Variants in ST6GALNAC5 observed in about 807,000 individuals in gnomAD.
The protein encoded by ST6GALNAC5 is ST6 N-acetylgalactosaminide alpha-2,6-sialyltransferase 5.
ST6GALNAC5 carries 27 observed loss-of-function variants against 33.6 expected under a neutral mutation model. The ratio of observed to expected loss-of-function variants is 0.80; its 90% confidence interval spans 0.59 to 1.11. The LOEUF (loss-of-function observed/expected upper bound fraction) is 1.11, where lower values mean the gene tolerates loss of function less well. ST6GALNAC5 is among the 50% of genes least tolerant of loss of function. The probability of loss-of-function intolerance (pLI) is 0.00; values close to 1 mark genes in which losing one functional copy is unlikely to be tolerated. For missense variants in ST6GALNAC5, 428 were observed against 454.0 expected (o/e 0.94, Z 0.52); for synonymous variants, 194 against 171.2 (o/e 1.13, Z -1.04).
At chr1:77,001,562 T>C (rs1459679428) in intron 2 of ST6GALNAC5, among the ~76,000 whole-genome samples, 1 of 150,686 alleles carries the variant, frequency 6.6e-6, no homozygotes, top group East Asian at 2.0e-4. Flanking sequence ...GGCATCCCTG[T>C]CTTGTGCCAG....
At chr1:76,877,355 C>G (rs1207358606) in intron 2 of ST6GALNAC5, among the ~76,000 whole-genome samples, 1 of 151,668 alleles carries the variant, frequency 6.6e-6, no homozygotes, top group Non-Finnish European at 1.5e-5. Flanking sequence ...GAGCCTGTTG[C>G]AGAGCCTTCT....
intron 2 of ST6GALNAC5, among the ~76,000 whole-genome samples, chr1:77,032,964 G>T (rs1651514273): frequency 6.6e-6 from 1 of 152,154 alleles, no homozygotes; most frequent in South Asian, 2.1e-4. Flanking sequence ...GGCTTGTCGG[G>T]CCACATTAAA....
chr1:77,035,822 T>C (rs566550408), intron 2 of ST6GALNAC5, among the ~76,000 whole-genome samples: 1 of 152,318 alleles, frequency 6.6e-6, no homozygotes, highest in East Asian at 1.9e-4. Context: ...TAAAATGGTG[T>C]AGCCACTTTG....
intron 2 of ST6GALNAC5, among the ~76,000 whole-genome samples, chr1:77,015,694 G>T (rs570617912): frequency 2.6e-5 from 4 of 152,056 alleles, no homozygotes; most frequent in Non-Finnish European, 4.4e-5. Flanking sequence ...CAATTTTGGG[G>T]TGGCAGAGGG....
intron 2 of ST6GALNAC5, among the ~76,000 whole-genome samples, chr1:76,999,329 G>C (rs1230800519): frequency 6.6e-6 from 1 of 152,260 alleles, no homozygotes; most frequent in East Asian, 1.9e-4. Flanking sequence ...AGAGGCAAGA[G>C]ACTTACTTTA....
chr1:77,008,266 C>T (rs1011030016), intron 2 of ST6GALNAC5, among the ~76,000 whole-genome samples: 1 of 152,092 alleles, frequency 6.6e-6, no homozygotes, highest in African/African-American at 2.4e-5. Flanking sequence ...TCAGGGTAAG[C>T]AGGTATTTCA....
intron 2 of ST6GALNAC5, among the ~76,000 whole-genome samples, chr1:77,008,216 A>C (rs1052482696): frequency 5.9e-5 from 9 of 152,220 alleles, no homozygotes; most frequent in Non-Finnish European, 1.0e-4. Flanking sequence ...AACTCACTTC[A>C]TGCACAAGAG....
chr1:77,059,324 G>A (rs1482907197), intron 4 of ST6GALNAC5, among the ~76,000 whole-genome samples: 3 of 152,154 alleles, frequency 2.0e-5, no homozygotes, highest in Non-Finnish European at 2.9e-5. Flanking sequence ...TTTATCAGGT[G>A]TCCTCAGTCT....
chr1:76,936,953 G>GGT (rs34309736), intron 2 of ST6GALNAC5, among the ~76,000 whole-genome samples: 10,971 of 139,900 alleles, frequency 0.078, 566 homozygotes, highest in Admixed American at 0.18. Flanking sequence ...AGAGAAGCAG[G>GGT]GTGTGTGTGT....
chr1:77,055,784 C>T (rs1652377040), intron 4 of ST6GALNAC5, among the ~76,000 whole-genome samples: 1 of 152,170 alleles, frequency 6.6e-6, no homozygotes, highest in Non-Finnish European at 1.5e-5. Flanking sequence ...TGACTCTAGG[C>T]TCCTTAAGAG....
intron 2 of ST6GALNAC5, among the ~76,000 whole-genome samples, chr1:77,023,015 T>G (rs73003401): frequency 0.061 from 9,272 of 152,208 alleles, 340 homozygotes; most frequent in Middle Eastern, 0.11. Context: ...AATGAGACCT[T>G]TAGAGAGGCC....
intron 2 of ST6GALNAC5, among the ~76,000 whole-genome samples, chr1:76,984,576 T>C (rs1436214616): frequency 1.3e-5 from 2 of 152,230 alleles, no homozygotes; most frequent in East Asian, 3.8e-4. Flanking sequence ...AGCCAAATTC[T>C]ATTAGAGGTA....
chr1:76,918,003 G>A (rs1646992546), intron 2 of ST6GALNAC5, among the ~76,000 whole-genome samples: 1 of 152,142 alleles, frequency 6.6e-6, no homozygotes, highest in Non-Finnish European at 1.5e-5. Context: ...TCAGATGGTT[G>A]TCTCATCCAG....
In ST6GALNAC5 at chr1:76,928,186, G is replaced by A. The variant is rs1647103651; in HGVS notation, c.261+59444G>A. On this transcript the variant is annotated intron_variant, in intron 2 of 4. Transcript: ENST00000477717. ...TTCACATTTTACTACCACCTCTATT[G>A]TTTCTCTCTCTTTTCTCTTCTAAGA... Among the ~76,000 whole-genome samples the A allele has an allele frequency of 2.0e-5, 3 of 152,084 alleles. No individual in the cohort carries two copies. The South Asian group carries it at 6.2e-4, about 32-fold the overall frequency.
At chr1:77,005,961 G>C (rs778365310) in intron 2 of ST6GALNAC5, among the ~76,000 whole-genome samples, 11 of 152,034 alleles carry the variant, frequency 7.2e-5, no homozygotes, top group Non-Finnish European at 1.3e-4. Flanking sequence ...TGGGCATTTG[G>C]GTTGTTTCCA....
At chr1:76,932,277 G>A (rs1033724416) in intron 2 of ST6GALNAC5, among the ~76,000 whole-genome samples, 49 of 152,112 alleles carry the variant, frequency 3.2e-4, no homozygotes, top group African/African-American at 1.2e-3. Context: ...GGGGTTGAGA[G>A]GGAATATGCC....
intron 2 of ST6GALNAC5, among the ~76,000 whole-genome samples, chr1:76,987,389 A>T (rs186813427): frequency 6.6e-6 from 1 of 152,170 alleles, no homozygotes; most frequent in African/African-American, 2.4e-5. Context: ...TCACAGTGAG[A>T]TATCATTTGA....
intron 2 of ST6GALNAC5, among the ~76,000 whole-genome samples, chr1:76,936,953 G>GGTGTGTGTGTGTGTGTGTGTGT (rs34309736): frequency 2.6e-4 from 36 of 139,990 alleles, no homozygotes; most frequent in Middle Eastern, 3.6e-3. Flanking sequence ...AGAGAAGCAG[G>GGTGTGTGTGTGTGTGTGTGTGT]GTGTGTGTGT....
At chr1:76,980,779 T>G (rs1243419158) in intron 2 of ST6GALNAC5, among the ~76,000 whole-genome samples, 2 of 152,038 alleles carry the variant, frequency 1.3e-5, no homozygotes. Context: ...CAAAAGAAAA[T>G]GTAGGTATAA....
Sources: gnomAD v4.1 joint callset for allele counts (sites outside exome capture counted in the v4.1 genomes callset) on GRCh38, gnomAD v4.1.1 for gene constraint, MANE v1.5 for transcripts, NCBI Gene and HGNC (gene_info 2026-07-23, HGNC 2026-07-21) for gene names.